Variants in NBAS observed in about 807,000 individuals in gnomAD.
The protein encoded by NBAS is NBAS subunit of NRZ tethering complex.
In NBAS, 219 loss-of-function variants were observed where a neutral mutation model predicts 302.5. The observed-to-expected ratio is 0.72, with a 90% confidence interval of 0.65 to 0.81. The LOEUF (loss-of-function observed/expected upper bound fraction) is 0.81, where lower values mean the gene tolerates loss of function less well. NBAS is among the 30% of genes least tolerant of loss of function. The pLI, the probability that NBAS is intolerant of heterozygous loss-of-function variation, is 0.00. For synonymous variants in NBAS, 1,118 were observed against 1,021.6 expected, an observed-to-expected ratio of 1.09 and a Z score of -1.80; for missense variants, 2,932 against 2,841.6, an observed-to-expected ratio of 1.03 and a Z score of -0.72.
chr2:14,915,940 T>G, the NBAS span, among the ~76,000 whole-genome samples: 1,980 of 152,186 alleles, frequency 0.013, 38 homozygotes, highest in African/African-American at 0.04. Context: ...GTGACTTGGT[T>G]CTCCTTGCCT....
intron 48 of NBAS, among the ~76,000 whole-genome samples, chr2:15,205,767 T>C (rs1465830182): frequency 6.6e-6 from 1 of 152,174 alleles, no homozygotes; most frequent in Non-Finnish European, 1.5e-5. Context: ...TTGATAAGTG[T>C]CTGGCACCTT....
chr2:15,209,361 A>G (rs945854513), intron 48 of NBAS, among the ~76,000 whole-genome samples: 1 of 152,176 alleles, frequency 6.6e-6, no homozygotes, highest in Non-Finnish European at 1.5e-5. Context: ...TCTACCAAAT[A>G]TTTAAAGAAG....
chr2:15,463,006 C>T (rs951411700), intron 19 of NBAS, among the ~76,000 whole-genome samples: 1 of 152,210 alleles, frequency 6.6e-6, no homozygotes, highest in African/African-American at 2.4e-5. Context: ...GGCGTGGTGG[C>T]TCACGCCTGT....
chr2:15,052,957 G>C, the NBAS span, among the ~76,000 whole-genome samples: 1 of 152,230 alleles, frequency 6.6e-6, no homozygotes, highest in South Asian at 2.1e-4. Context: ...GAAATTCAAA[G>C]TACAGGAGAG....
chr2:15,357,379 C>T (rs1673673550), intron 32 of NBAS, among the ~76,000 whole-genome samples: 1 of 152,208 alleles, frequency 6.6e-6, no homozygotes, highest in African/African-American at 2.4e-5. Flanking sequence ...TTTGGTGCTG[C>T]CTGATTCATG....
the NBAS span, among the ~76,000 whole-genome samples, chr2:14,922,083 T>C: frequency 2.0e-5 from 3 of 152,206 alleles, no homozygotes; most frequent in Non-Finnish European, 4.4e-5. Flanking sequence ...CATATTAAAC[T>C]AATAGCACCT....
At chr2:14,789,426 G>A in the NBAS span, among the ~76,000 whole-genome samples, 8 of 152,136 alleles carry the variant, frequency 5.3e-5, no homozygotes, top group African/African-American at 1.2e-4. Flanking sequence ...CTTCTGCGTC[G>A]CTCATGCTGG....
chr2:15,286,314 A>C (rs1285983002), intron 42 of NBAS, among the ~76,000 whole-genome samples: 6 of 152,208 alleles, frequency 3.9e-5, no homozygotes. Context: ...CACAGTAGCC[A>C]AAGTGATCTT....
intron 28 of NBAS, chr2:15,393,760 C>A (rs9710962): frequency 0.63 from 293,678 of 467,674 alleles, 94,287 homozygotes; most frequent in Non-Finnish European, 0.68. Context: ...AATACCATTC[C>A]GCAAACAAAA....
the NBAS span, among the ~76,000 whole-genome samples, chr2:15,079,475 C>T: frequency 3.9e-5 from 6 of 152,296 alleles, no homozygotes; most frequent in Non-Finnish European, 8.8e-5. Flanking sequence ...GAGGTCTCAG[C>T]TGGGATCTGC....
At chr2:15,521,558 T>G (rs181789583) in intron 9 of NBAS, among the ~76,000 whole-genome samples, 9 of 152,286 alleles carry the variant, frequency 5.9e-5, no homozygotes, top group Admixed American at 4.6e-4. Flanking sequence ...TACATTCTAG[T>G]GTATTAGTAT....
chr2:15,239,388 CGT>C (rs71400646), intron 44 of NBAS, among the ~76,000 whole-genome samples: 6,211 of 82,944 alleles, frequency 0.075, 171 homozygotes, highest in Middle Eastern at 0.14. Context: ...TGTATGTGTG[CGT>C]GTGTGTGTGT....
intron 31 of NBAS, among the ~76,000 whole-genome samples, chr2:15,367,802 T>C (rs1018798057): frequency 2.0e-5 from 3 of 152,168 alleles, no homozygotes; most frequent in African/African-American, 7.2e-5. Context: ...GGTAAGGATT[T>C]ACTACAATTT....
At chr2:15,503,242 T>C (rs900705996) in intron 11 of NBAS, among the ~76,000 whole-genome samples, 4 of 152,142 alleles carry the variant, frequency 2.6e-5, no homozygotes, top group Admixed American at 2.6e-4. Context: ...CTTTTTTTTT[T>C]AGTAAGTAGA....
At chr2:15,004,667 A>ATTTTTTTTTT in the NBAS span, among the ~76,000 whole-genome samples, 5 of 105,454 alleles carry the variant, frequency 4.7e-5, no homozygotes, top group Admixed American at 1.1e-4. Context: ...CTCCCAGCTG[A>ATTTTTTTTTT]TTTTTTTTTT....
chr2:15,335,175 A>T (rs911701992), intron 35 of NBAS, among the ~76,000 whole-genome samples: 3 of 69,592 alleles, frequency 4.3e-5, no homozygotes, highest in Admixed American at 1.3e-4. Flanking sequence ...CATCTCTCTT[A>T]AAAAAAAAAA....
the NBAS span, among the ~76,000 whole-genome samples, chr2:14,810,698 G>A: frequency 2.4e-3 from 367 of 152,256 alleles, no homozygotes; most frequent in African/African-American, 8.1e-3. Flanking sequence ...TAAAAATAGT[G>A]CCAAGCTTCC....
At chr2:15,370,234 T>C (rs778229958) in intron 31 of NBAS, among the ~76,000 whole-genome samples, 1 of 152,206 alleles carries the variant, frequency 6.6e-6, no homozygotes, top group Non-Finnish European at 1.5e-5. Flanking sequence ...GGCAAGTTAC[T>C]TAACCTCCCT....
intron 38 of NBAS, among the ~76,000 whole-genome samples, chr2:15,325,671 C>A (rs561542322): frequency 6.6e-6 from 1 of 152,292 alleles, no homozygotes; most frequent in East Asian, 1.9e-4. Flanking sequence ...CTATCCAGGC[C>A]ACTAAAACTC....
Sources: gnomAD v4.1 joint callset for allele counts (sites outside exome capture counted in the v4.1 genomes callset) on GRCh38, gnomAD v4.1.1 for gene constraint, MANE v1.5 for transcripts, NCBI Gene and HGNC (gene_info 2026-07-23, HGNC 2026-07-21) for gene names.